Variants in TANC1 observed in about 807,000 individuals in gnomAD.
TANC1 encodes the protein protein TANC1.
TANC1 carries 77 observed loss-of-function variants against 149.7 expected under a neutral mutation model. That is an observed-to-expected ratio of 0.51 (90% CI 0.43 to 0.62). The LOEUF (loss-of-function observed/expected upper bound fraction) is 0.62. Ranked by LOEUF, TANC1 falls within the 20% of genes least tolerant of loss-of-function variation. TANC1 has a pLI of 0.00. For synonymous variants in TANC1, 854 were observed against 925.0 expected, an observed-to-expected ratio of 0.92 and a Z score of 1.39; for missense variants, 1,985 against 2,321.8, an observed-to-expected ratio of 0.85 and a Z score of 2.98.
chr2:159,129,214 C>A (rs917323653), intron 4 of TANC1, among the ~76,000 whole-genome samples: 2 of 152,042 alleles, frequency 1.3e-5, no homozygotes, highest in Non-Finnish European at 2.9e-5. Context: ...TATCTTTAAC[C>A]GAAACACTCA....
intron 5 of TANC1, among the ~76,000 whole-genome samples, chr2:159,138,630 C>T (rs900693382): frequency 6.6e-6 from 1 of 152,184 alleles, no homozygotes; most frequent in Non-Finnish European, 1.5e-5. Flanking sequence ...ATATCAGCAT[C>T]ATCACTTAAG....
intron 3 of TANC1, among the ~76,000 whole-genome samples, chr2:159,069,619 A>T (rs768723359): frequency 6.6e-6 from 1 of 152,142 alleles, no homozygotes; most frequent in Non-Finnish European, 1.5e-5. Context: ...ATCTGGACCT[A>T]GTAGGAGTTT....
intron 2 of TANC1, among the ~76,000 whole-genome samples, chr2:159,043,600 C>T (rs2149543594): frequency 6.6e-6 from 1 of 152,292 alleles, no homozygotes; most frequent in Middle Eastern, 3.4e-3. Context: ...ATTTTATTGA[C>T]TTGTGCCCAT....
rs117354789 is a variant in TANC1, at chr2:159,008,244, A to G, written c.-16+7055A>G. 4.4e-4 allele frequency among the ~76,000 whole-genome samples: 67 copies of G among 152,340 alleles called. No individual in the cohort carries two copies. The East Asian group carries it at 0.012, about 27-fold the overall frequency. Reference sequence around the variant, plus strand: ...AGCATTACTTTGAACTGCATCTGATACAGCTTGGTAGTCCAGGTCATTACT... The same window carrying G: ...AGCATTACTTTGAACTGCATCTGATGCAGCTTGGTAGTCCAGGTCATTACT... On this transcript the variant is annotated intron_variant, in intron 2 of 26. Transcript: ENST00000263635.
chr2:159,075,793 C>CT (rs1404222952), intron 3 of TANC1, among the ~76,000 whole-genome samples: 3 of 151,710 alleles, frequency 2.0e-5, no homozygotes, highest in Non-Finnish European at 4.4e-5. Context: ...AAATACATAC[C>CT]TTTGTATGAA....
At chr2:159,167,816 G>A (rs557465621) in intron 8 of TANC1, among the ~76,000 whole-genome samples, 7 of 152,302 alleles carry the variant, frequency 4.6e-5, no homozygotes, top group Admixed American at 2.6e-4. Context: ...GTGAGGAAGA[G>A]AAGGACTGAG....
rs367698852 is a variant in TANC1 at position 159,176,378 on chromosome 2, A to G, written c.1762A>G (p.Ile588Val). 3 of 1,557,656 alleles carry G rather than the reference A, an allele frequency of 1.9e-6. No homozygotes were observed. The highest frequency in any genetic ancestry group is 2.6e-6 in the Non-Finnish European group (3 of 1,154,588). ...NEQKIPEEEY[I>V]ILIDGLNEAE... The stretch of plus-strand genomic sequence containing the variant: ...GCAGAAAATTCCTGAAGAAGAATAC[A>G]TTATTTTGATAGATGGCTTAAATGA... Residue 588 changes from isoleucine (I) to valine (V), a missense_variant, in exon 13 of 27, where the codon ATT becomes GTT. Around this residue, in one of 3 missense-constraint regions of TANC1, gnomAD observed 508 missense variants for 714.2 expected, o/e 0.71. Transcript: ENST00000263635.
chr2:159,164,569 C>G (rs980449566), intron 8 of TANC1, among the ~76,000 whole-genome samples: 1 of 152,174 alleles, frequency 6.6e-6, no homozygotes, highest in Non-Finnish European at 1.5e-5. Context: ...TTTCTAAACT[C>G]CATGCCCTGT....
At chr2:159,196,555 G>A (rs1199794172) in intron 17 of TANC1, 53 bp from the exon 18 acceptor site, 93 of 1,497,336 alleles carry the variant, frequency 6.2e-5, no homozygotes, top group East Asian at 1.4e-4. Context: ...GCATCTGCAT[G>A]CTCAGAGGCA....
chr2:159,215,462 T>TCA (rs1314471988), intron 19 of TANC1, among the ~76,000 whole-genome samples: 1 of 151,940 alleles, frequency 6.6e-6, no homozygotes, highest in Non-Finnish European at 1.5e-5. Context: ...CCAGAGGAGG[T>TCA]CACAAATCAG....
intron 1 of TANC1, among the ~76,000 whole-genome samples, chr2:158,995,412 T>G (rs111552232): frequency 3.3e-5 from 5 of 152,328 alleles, no homozygotes; most frequent in Middle Eastern, 6.8e-3. Flanking sequence ...AACGTTAATC[T>G]TTGAAAACCC....
intron 3 of TANC1, among the ~76,000 whole-genome samples, chr2:159,091,969 G>GGGGGT (rs561460848): frequency 1.4e-5 from 2 of 145,248 alleles, no homozygotes; most frequent in Non-Finnish European, 1.5e-5. Context: ...TATAGGGGGG[G>GGGGGT]GTGTGTGTGT....
At chr2:159,129,652 T>C (rs2049870363) in intron 4 of TANC1, among the ~76,000 whole-genome samples, 1 of 152,186 alleles carries the variant, frequency 6.6e-6, no homozygotes, top group African/African-American at 2.4e-5. Context: ...TTTGTTGTTT[T>C]TAATTTTAAG....
chr2:159,005,989 G>C (rs1363711451), intron 2 of TANC1, among the ~76,000 whole-genome samples: 1 of 152,042 alleles, frequency 6.6e-6, no homozygotes, highest in Non-Finnish European at 1.5e-5. Context: ...AATGAGGTCT[G>C]ATTTTTAGTA....
chr2:159,192,837 CG>C (rs1385158684), intron 16 of TANC1, among the ~76,000 whole-genome samples: 1 of 152,036 alleles, frequency 6.6e-6, no homozygotes, highest in Admixed American at 6.6e-5. Flanking sequence ...TTAGTAGACA[CG>C]GGGTTTTCAC....
At chr2:159,204,644 G>A (rs1038535784) in intron 19 of TANC1, among the ~76,000 whole-genome samples, 7 of 152,222 alleles carry the variant, frequency 4.6e-5, no homozygotes, top group Non-Finnish European at 1.0e-4. Flanking sequence ...TGCACAGGAC[G>A]CTGGCGGCTC....
At chr2:159,015,493 G>T (rs920134820) in intron 2 of TANC1, among the ~76,000 whole-genome samples, 1 of 152,182 alleles carries the variant, frequency 6.6e-6, no homozygotes, top group African/African-American at 2.4e-5. Context: ...TTGTCTTGGG[G>T]ATTAACATTG....
Position 159,129,927 on chromosome 2 carries a change from G to A in TANC1, c.260-6267G>A, listed in dbSNP as rs572146236. Among the ~76,000 whole-genome samples the A allele has an allele frequency of 3.9e-5, 6 of 152,252 alleles. No homozygotes were observed. In the East Asian group the frequency reaches 5.8e-4, roughly 15 times the overall value. ...GCGGTCTTCCCTAGAGACCCCGTTC[G>A]TGCTACCAAAGTGTCATCTGTGGTC... On this transcript the variant is annotated intron_variant, in intron 4 of 26. Transcript: ENST00000263635.
At chr2:159,087,321 A>G (rs1033093531) in intron 3 of TANC1, among the ~76,000 whole-genome samples, 2 of 152,106 alleles carry the variant, frequency 1.3e-5, no homozygotes, top group African/African-American at 4.8e-5. Context: ...AGAAGGATAA[A>G]TGGGTTGTAC....
Sources: allele counts gnomAD v4.1 joint callset (sites outside exome capture counted in the v4.1 genomes callset), GRCh38; gene constraint gnomAD v4.1.1; regional missense constraint gnomAD v4.1.1; transcripts MANE v1.5; gene names NCBI Gene and HGNC (gene_info 2026-07-23, HGNC 2026-07-21).